Variants in TNRC6B observed in about 807,000 individuals in gnomAD.
TNRC6B encodes trinucleotide repeat-containing gene 6B protein.
Under a neutral mutation model 203.6 loss-of-function variants are expected in TNRC6B, and 52 were observed. The observed-to-expected ratio is 0.26, with a 90% confidence interval of 0.20 to 0.32. The LOEUF is 0.32. TNRC6B is among the 10% of genes least tolerant of loss of function. The pLI is 1.00. For synonymous variants in TNRC6B, 838 were observed against 845.7 expected (o/e 0.99, Z 0.16); for missense variants, 1,923 against 2,286.2 (o/e 0.84, Z 3.24).
intron 1 of TNRC6B, among the ~76,000 whole-genome samples, chr22:40,053,230 G>T (rs950192128): frequency 2.0e-5 from 3 of 151,318 alleles, no homozygotes; most frequent in African/African-American, 7.3e-5. Context: ...AATGAAGTTT[G>T]ACAGTTTTAA....
intron 1 of TNRC6B, among the ~76,000 whole-genome samples, chr22:40,182,395 A>G (rs568155757): frequency 7.2e-5 from 11 of 152,324 alleles, no homozygotes; most frequent in African/African-American, 2.6e-4. Flanking sequence ...TTCTCTGTAC[A>G]GTATTGTTCG....
chr22:40,073,261 G>GT (rs1405169373), intron 1 of TNRC6B, among the ~76,000 whole-genome samples: 3 of 148,346 alleles, frequency 2.0e-5, no homozygotes. Context: ...CAGAGTCCTT[G>GT]TTTTTGCAGA....
intron 1 of TNRC6B, among the ~76,000 whole-genome samples, chr22:40,080,951 G>A (rs959971056): frequency 6.6e-6 from 1 of 151,738 alleles, no homozygotes; most frequent in African/African-American, 2.4e-5. Context: ...CTGCCTCCTG[G>A]GTTCAAGCGT....
At position 40,265,479 on chromosome 22, in the gene TNRC6B, C is replaced by G. The variant is rs201621003; in HGVS notation, c.1249C>G (p.Arg417Gly). Reference protein sequence around the residue: ...TDAPSQSTGDRKTGSVGSWGA... With the variant: ...TDAPSQSTGDGKTGSVGSWGA... ...TGCCCCTTCACAAAGCACTGGAGAT[C>G]GAAAGACTGGGAGTGTTGGATCTTG... The change falls in exon 5 of 23, where the codon CGA becomes GGA. Residue 417 changes from arginine (R) to glycine (G), a missense_variant. Physicochemically the swap from Arg to Gly is moderately radical, Grantham distance 125 (BLOSUM62 -2). Around this residue, in one of 8 missense-constraint regions of TNRC6B, gnomAD observed 614 missense variants for 587.7 expected, o/e 1.04. Transcript: ENST00000454349. 4.4e-5 allele frequency: 71 copies of G among 1,613,816 alleles called. No homozygotes were observed. In the African/African-American group the frequency reaches 8.7e-4, roughly 20 times the overall value.
At position 40,315,394 on chromosome 22, in the gene TNRC6B, C is replaced by A. The variant is rs563769550; in HGVS notation, c.4790C>A (p.Pro1597Gln). Reference protein sequence around the residue: ...KNHISSRNTTPLPRPPPGLTN... With the variant: ...KNHISSRNTTQLPRPPPGLTN... ...CATATTTCCTCCAGGAACACTACAC[C>A]GCTGCCCCGCCCACCTCCTGGTCTG... Residue 1597 changes from proline (P) to glutamine (Q), a missense_variant, in exon 20 of 23, where the codon CCG becomes CAG. By Grantham distance (76) the Pro-to-Gln change is moderately conservative. Coordinates refer to ENST00000454349, the MANE Select transcript of TNRC6B (RefSeq NM_001162501.2). 1.9e-6 allele frequency: 3 copies of A among 1,613,852 alleles called. No homozygotes were observed. The highest frequency in any genetic ancestry group is 1.3e-5 in the African/African-American group (1 of 74,906).
chr22:40,304,823 G>A (rs867124715), intron 15 of TNRC6B, among the ~76,000 whole-genome samples: 1 of 152,118 alleles, frequency 6.6e-6, no homozygotes, highest in Non-Finnish European at 1.5e-5. Flanking sequence ...ATAAATATTG[G>A]AGATTATAAA....
chr22:40,214,109 A>T (rs1287577529), intron 1 of TNRC6B, among the ~76,000 whole-genome samples: 1 of 152,048 alleles, frequency 6.6e-6, no homozygotes, highest in Non-Finnish European at 1.5e-5. Context: ...CTACTAAAAA[A>T]TATAAAAACT....
At chr22:40,278,178 T>C (rs2146518976) in intron 9 of TNRC6B, 134 bp downstream of exon 9, 2 of 700,210 alleles carry the variant, frequency 2.9e-6, no homozygotes, top group Non-Finnish European at 5.0e-6. Context: ...TGTAAGGTAC[T>C]GTGCTAGACA....
chr22:40,087,124 T>C (rs1162770758), intron 1 of TNRC6B, among the ~76,000 whole-genome samples: 1 of 152,202 alleles, frequency 6.6e-6, no homozygotes, highest in Non-Finnish European at 1.5e-5. Context: ...GTTTTGTGTT[T>C]GGTGTAAGTA....
chr22:40,203,292 C>G (rs929615444), intron 1 of TNRC6B, among the ~76,000 whole-genome samples: 1 of 152,070 alleles, frequency 6.6e-6, no homozygotes. Flanking sequence ...TGGCCCACCC[C>G]CTTAATGGAT....
intron 3 of TNRC6B, among the ~76,000 whole-genome samples, chr22:40,147,619 C>T (rs2068706994): frequency 6.6e-6 from 1 of 152,158 alleles, no homozygotes; most frequent in African/African-American, 2.4e-5. Context: ...CTGACAAGCC[C>T]TTTTATAACA....
intron 5 of TNRC6B, among the ~76,000 whole-genome samples, chr22:40,267,248 G>T (rs1250708641): frequency 1.3e-5 from 2 of 152,186 alleles, no homozygotes; most frequent in African/African-American, 4.8e-5. Context: ...AAAAGGAAAA[G>T]ATGACAACCC....
At position 40,105,252 on chromosome 22, in the gene TNRC6B, TTAA is replaced by T. The variant is rs1362623915; in HGVS notation, c.-120-11801_-120-11799del. 5.3e-5 allele frequency among the ~76,000 whole-genome samples: 8 copies of T among 152,370 alleles called. No homozygotes were observed. In the East Asian group the frequency reaches 1.3e-3, roughly 26 times the overall value. On this transcript the variant is annotated intron_variant, in intron 1 of 23. Coordinates refer to the TNRC6B transcript ENST00000301923. Reference sequence around the variant, plus strand: ...CAAAAATACCATTTTTCCTTTTGTATTAATTTTATTTTTGTTTTGATTTAAATC... The same window carrying T: ...CAAAAATACCATTTTTCCTTTTGTATTTTTATTTTTGTTTTGATTTAAATC...
At chr22:40,117,584 G>A (rs2146317994) in intron 2 of TNRC6B, among the ~76,000 whole-genome samples, 1 of 152,172 alleles carries the variant, frequency 6.6e-6, no homozygotes, top group Middle Eastern at 3.4e-3. Context: ...AACATTTCTG[G>A]TTGCTTTTTT....
At chr22:40,240,660 A>G (rs1486949496) in intron 1 of TNRC6B, among the ~76,000 whole-genome samples, 2 of 152,238 alleles carry the variant, frequency 1.3e-5, no homozygotes, top group Non-Finnish European at 2.9e-5. Context: ...AATGAATTAA[A>G]TAATTTGAAA....
At chr22:40,143,510 GA>G (rs925464608) in intron 3 of TNRC6B, among the ~76,000 whole-genome samples, 2 of 151,868 alleles carry the variant, frequency 1.3e-5, no homozygotes, top group Non-Finnish European at 2.9e-5. Context: ...TTGTGGGGGG[GA>G]TAGAGTCTCG....
intron 2 of TNRC6B, among the ~76,000 whole-genome samples, chr22:40,246,528 T>A (rs1010524410): frequency 6.6e-6 from 1 of 152,198 alleles, no homozygotes; most frequent in African/African-American, 2.4e-5. Context: ...AGACATTTGT[T>A]TACTTAAAAG....
intron 1 of TNRC6B, among the ~76,000 whole-genome samples, chr22:40,186,179 C>G (rs1306940944): frequency 1.3e-5 from 2 of 152,006 alleles, no homozygotes; most frequent in Non-Finnish European, 2.9e-5. Context: ...GAAAGAGGAC[C>G]TGGGAAAGGA....
At chr22:40,098,431 A>G (rs1452336888) in intron 1 of TNRC6B, among the ~76,000 whole-genome samples, 1 of 149,090 alleles carries the variant, frequency 6.7e-6, no homozygotes, top group East Asian at 2.0e-4. Context: ...TATCAAAGAG[A>G]TGCATATTTC....
Sources: allele counts gnomAD v4.1 joint callset (sites outside exome capture counted in the v4.1 genomes callset), GRCh38; gene constraint gnomAD v4.1.1; regional missense constraint gnomAD v4.1.1; transcripts MANE v1.5; gene names NCBI Gene and HGNC (gene_info 2026-07-23, HGNC 2026-07-21).